The following MCM3 variants were observed in gnomAD, a reference collection of about 807,000 sequenced individuals.
MCM3 encodes DNA replication licensing factor MCM3.
A neutral mutation model predicts 91.3 loss-of-function variants in MCM3; 59 were observed. That is an observed-to-expected ratio of 0.65 (90% CI 0.52 to 0.80). The LOEUF (loss-of-function observed/expected upper bound fraction) is 0.80, where lower values mean the gene tolerates loss of function less well. MCM3 is among the 30% of genes least tolerant of loss of function. The pLI is 0.00. For missense variants in MCM3, 919 were observed against 1,035.4 expected, an observed-to-expected ratio of 0.89 and a Z score of 1.54; for synonymous variants, 383 against 379.6, an observed-to-expected ratio of 1.01 and a Z score of -0.10.
At position 52,278,070 on chromosome 6, in the gene MCM3, CAAAAAAA is replaced by C. The variant is rs61625257; in HGVS notation, c.880-389_880-383del. On this transcript the variant is annotated intron_variant, in intron 6 of 16. Transcript: ENST00000596288. Reference sequence around the variant, plus strand: ...GTCACAGAGCAAGATTCCGTCTCACCAAAAAAAAAAAAAAAAAAAAAAAAAAAGAAAA... The same window carrying C: ...GTCACAGAGCAAGATTCCGTCTCACCAAAAAAAAAAAAAAAAAAAAGAAAA... Among the ~76,000 whole-genome samples the C allele has an allele frequency of 7.2e-4, 28 of 38,972 alleles. No individual in the cohort carries two copies. In the Admixed American group the frequency reaches 9.4e-3, roughly 13 times the overall value. The allele number at this position is 38,972 out of a possible 152,430, so 25.6% of individuals were successfully genotyped here.
chr6:52,268,954 T>A, intron 13 of MCM3, 132 bp downstream of exon 13: 1 of 936,634 alleles, frequency 1.1e-6, no homozygotes, highest in Non-Finnish European at 1.6e-6. Flanking sequence ...TGAGGCAGAC[T>A]GATGACTGGA....
At chr6:52,278,120 A>T (rs1002916400) in intron 6 of MCM3, among the ~76,000 whole-genome samples, 5 of 151,680 alleles carry the variant, frequency 3.3e-5, no homozygotes, top group African/African-American at 1.2e-4. Context: ...AGAAACACAC[A>T]AACAGGTACA....
At position 52,283,165 on chromosome 6, in the gene MCM3, A is replaced by G; in HGVS notation, c.191+129T>C. The G allele has an allele frequency of 1.7e-5, 12 of 695,192 alleles. No homozygotes were observed. In the South Asian group the frequency reaches 2.0e-4, roughly 11 times the overall value. 43.1% of individuals were successfully genotyped at this position (695,192 alleles called of 1,614,324 possible). ...AAAAAAAAAAAAAAAAAATAGGTGC[A>G]GGTGAGCTACGAGGGCTTGTAGATC... On this transcript the variant is annotated intron_variant, in intron 2 of 16. Coordinates refer to ENST00000596288, the MANE Select transcript of MCM3 (RefSeq NM_002388.6).
intron 8 of MCM3, 87 bp downstream of exon 8, chr6:52,276,980 G>A (rs1001959010): frequency 2.0e-6 from 3 of 1,493,518 alleles, no homozygotes; most frequent in East Asian, 2.3e-5. Context: ...CCTATCAGCT[G>A]TATCTTCAGA....
chr6:52,277,596 C>T lies in MCM3; in HGVS notation c.972G>A (p.Gly324=), dbSNP rs1239172365. The change falls in exon 7 of 17, where the codon GGG becomes GGA. Residue 324 remains glycine (G), a synonymous_variant. Transcript: ENST00000596288. ...KKAILCLLLG[G]VERDLENGSH... ...TGCCATTTTCTAGGTCTCGTTCCAC[C>T]CCTCCCAAGAGCAAGCAGAGGATTG... 8.7e-6 allele frequency: 14 copies of T among 1,613,900 alleles called. No individual in the cohort carries two copies. Among genetic ancestry groups the T allele is most frequent in the Non-Finnish European group, 1.2e-5 (14 of 1,179,996 alleles).
chr6:52,268,819 T>C (rs943853613), intron 13 of MCM3, among the ~76,000 whole-genome samples: 2 of 152,152 alleles, frequency 1.3e-5, no homozygotes, highest in African/African-American at 2.4e-5. Context: ...AGCAGCTAAC[T>C]GAAAGTACAG....
At chr6:52,269,374 T>C (rs908575866) in intron 12 of MCM3, 148 bp from the exon 13 acceptor site, 41 of 604,706 alleles carry the variant, frequency 6.8e-5, no homozygotes, top group Non-Finnish European at 9.9e-5. Context: ...ACAGATACCA[T>C]ATAAAAATGA....
rs759933577 is a variant in MCM3, at chr6:52,264,567, A to T, written c.*21T>A. The T allele has an allele frequency of 6.2e-7, 1 of 1,613,534 alleles. No homozygotes were observed. Among genetic ancestry groups the T allele is most frequent in the Non-Finnish European group, 8.5e-7 (1 of 1,179,644 alleles). ...AGAACAAACTCTCTCGGCACAACCCAAGTTCAGAGACGAGGCCTCCTCAGA... is the reference window on the plus strand; with the variant it reads ...AGAACAAACTCTCTCGGCACAACCCTAGTTCAGAGACGAGGCCTCCTCAGA... On this transcript the variant is annotated 3_prime_UTR_variant, in exon 17 of 17. Transcript: ENST00000596288.
chr6:52,276,360 G>A lies in MCM3; in HGVS notation c.1282C>T (p.Gln428Ter). ...GCCTTGGCAATGGTCACTCGACCCTGCTCCATCACTTCATGGATGGCTGTG... is the reference window on the plus strand; with the variant it reads ...GCCTTGGCAATGGTCACTCGACCCTACTCCATCACTTCATGGATGGCTGTG... ...DRTAIHEVME[Q>*]GRVTIAKAGI... Residue 428 changes from glutamine (Q) to a stop codon, truncating the protein, a stop_gained, in exon 9 of 17, where the codon CAG becomes TAG. Transcript: ENST00000596288. LOFTEE classifies it high-confidence loss of function. 1 of 1,614,052 alleles carries A rather than the reference G, an allele frequency of 6.2e-7. No homozygotes were observed. Among genetic ancestry groups the A allele is most frequent in the Non-Finnish European group, 8.5e-7 (1 of 1,180,022 alleles).
intron 6 of MCM3, among the ~76,000 whole-genome samples, 195 bp from the exon 7 acceptor site, chr6:52,277,883 A>G (rs1263502313): frequency 6.6e-6 from 1 of 151,962 alleles, no homozygotes; most frequent in East Asian, 1.9e-4. Context: ...CCTGGCCAAC[A>G]TGGTGAAACC....
At chr6:52,282,246 G>A (rs1581749421) in intron 3 of MCM3, 71 bp from the exon 4 acceptor site, 5 of 1,417,268 alleles carry the variant, frequency 3.5e-6, no homozygotes, top group East Asian at 2.3e-5. Flanking sequence ...CCAAACATAT[G>A]CAAGCCTATA....
intron 2 of MCM3, 58 bp from the exon 3 acceptor site, chr6:52,282,919 C>A: frequency 8.3e-7 from 1 of 1,206,202 alleles, no homozygotes; most frequent in Non-Finnish European, 1.2e-6. Flanking sequence ...AAAATGGATC[C>A]TCAAAACAGC....
chr6:52,266,016 G>A, intron 16 of MCM3, 59 bp downstream of exon 16: 4 of 1,471,212 alleles, frequency 2.7e-6, no homozygotes, highest in Non-Finnish European at 1.9e-6. Context: ...AGGGAACAAA[G>A]TCCCTTCCTC....
At chr6:52,272,272 C>G in intron 12 of MCM3, 29 bp downstream of exon 12, 1 of 1,608,292 alleles carries the variant, frequency 6.2e-7, no homozygotes, top group Non-Finnish European at 8.5e-7. Flanking sequence ...CCTAAGGGAC[C>G]CCAAGCCTAG....
rs769973995 is a variant in MCM3, at chr6:52,273,244, C to T, written c.1662G>A (p.Gly554=). 4 of 1,614,148 alleles carry T rather than the reference C, an allele frequency of 2.5e-6. No homozygotes were observed. The Admixed American group carries it at 6.7e-5, about 27-fold the overall frequency. Reference sequence around the variant, plus strand: ...AGAATGCTCACTTTTTCTTCTTGGTCCCATGTAGAAGGTTGTCATGCTTCT... The same window carrying T: ...AGAATGCTCACTTTTTCTTCTTGGTTCCATGTAGAAGGTTGTCATGCTTCT... ...IYEKHDNLLH[G]TKKKKEKMVS... is the part of the protein sequence containing the mutation. Residue 554 remains glycine, a synonymous_variant, in exon 11 of 17, where the codon GGG becomes GGA. Transcript: ENST00000596288.
Position 52,276,305 on chromosome 6 carries a change from C to T in MCM3, c.1337G>A (p.Cys446Tyr). The change falls in exon 9 of 17, where the codon TGC (cysteine) becomes TAC (tyrosine). Residue 446 changes from cysteine to tyrosine, a missense_variant. By Grantham distance (194) the Cys-to-Tyr change is radical (BLOSUM62 -2). Transcript: ENST00000596288. ...AGIHARLNAR[C>Y]SVLAAANPVY... ...AGGGTTGGCAGCTGCCAAAACACTG[C>T]AGCGGGCATTCAGCCGAGCATGGAT... 1 of 1,612,748 alleles carries T rather than the reference C, an allele frequency of 6.2e-7. No homozygotes were observed. Among genetic ancestry groups the T allele is most frequent in the South Asian group, 1.1e-5 (1 of 90,980 alleles).
rs775335813 is a variant in MCM3, at chr6:52,272,443, A to G, written c.1685T>C (p.Met562Thr). 1.1e-5 allele frequency: 17 copies of G among 1,614,032 alleles called. No individual in the cohort carries two copies. Among genetic ancestry groups the G allele is most frequent in the East Asian group, 2.2e-5 (1 of 44,882 alleles). ...LHGTKKKKEK[M>T]VSAAFMKKYI... ...CTTCTTCATGAATGCTGCACTCACC[A>G]TCTTCTCCCTGGAGCCACACACAGT... The change falls in exon 12 of 17, where the codon ATG (methionine) becomes ACG (threonine). Residue 562 changes from methionine to threonine, a missense_variant. Met to Thr is a moderately conservative substitution (Grantham distance 81). This residue lies in a region of MCM3 where 285 missense variants were observed against 311.4 expected (regional missense o/e 0.92). Coordinates refer to ENST00000596288, the MANE Select transcript of MCM3 (RefSeq NM_002388.6).
intron 8 of MCM3, 48 bp from the exon 9 acceptor site, chr6:52,276,524 G>A (rs1443596794): frequency 2.8e-6 from 4 of 1,451,040 alleles, no homozygotes; most frequent in Non-Finnish European, 3.8e-6. Context: ...AGGTTATAGG[G>A]GCCAGAAGGG....
rs767510994 is a variant in MCM3 at position 52,264,722 on chromosome 6, T to C, written c.2293A>G (p.Met765Val). The change falls in exon 17 of 17, where the codon ATG becomes GTG. Residue 765 changes from methionine to valine, a missense_variant. Met to Val is a conservative substitution (Grantham distance 21, BLOSUM62 1). Coordinates refer to ENST00000596288, the MANE Select transcript of MCM3 (RefSeq NM_002388.6). ...FREAHAQSIG[M>V]NRLTESINRD... Reference sequence around the variant, plus strand: ...TTGATGGATTCTGTGAGGCGATTCATGCCGATTGACTGCGCATGAGCTTCC... The same window carrying C: ...TTGATGGATTCTGTGAGGCGATTCACGCCGATTGACTGCGCATGAGCTTCC... 1 of 1,614,074 alleles carries C rather than the reference T, an allele frequency of 6.2e-7. No homozygotes were observed. The highest frequency in any genetic ancestry group is 8.5e-7 in the Non-Finnish European group (1 of 1,180,052).
Sources: gnomAD v4.1 joint callset for allele counts (sites outside exome capture counted in the v4.1 genomes callset) on GRCh38, gnomAD v4.1.1 for gene constraint, gnomAD v4.1.1 regional missense constraint, MANE v1.5 for transcripts, NCBI Gene and HGNC (gene_info 2026-07-23, HGNC 2026-07-21) for gene names.